ADGRV1: variants seen among roughly 807,000 people sequenced by gnomAD.
The protein encoded by ADGRV1 is adhesion G protein-coupled receptor V1, also known as G-protein coupled receptor 98.
ADGRV1 carries 359 observed loss-of-function variants against 596.2 expected under a neutral mutation model. That is an observed-to-expected ratio of 0.60 (90% CI 0.55 to 0.66). The LOEUF is 0.66. Ranked by LOEUF, ADGRV1 falls within the 30% of genes least tolerant of loss-of-function variation. ADGRV1 has a pLI of 0.00. For missense variants in ADGRV1, 7,274 were observed against 7,575.6 expected (o/e 0.96, Z 1.48); for synonymous variants, 2,681 against 2,679.2 (o/e 1.00, Z -0.02).
intron 1 of ADGRV1, among the ~76,000 whole-genome samples, chr5:90,611,675 A>G (rs1453041821): frequency 2.6e-5 from 4 of 151,974 alleles, no homozygotes; most frequent in African/African-American, 7.2e-5. Context: ...GAGAAGTTTA[A>G]AAATAAGTGG....
chr5:90,727,447 C>T (rs1212627376), intron 48 of ADGRV1, among the ~76,000 whole-genome samples: 1 of 152,114 alleles, frequency 6.6e-6, no homozygotes, highest in East Asian at 1.9e-4. Context: ...ATTATAGTGT[C>T]CTCCTAGCTG....
At chr5:91,065,509 C>T (rs2151373629) in intron 85 of ADGRV1, among the ~76,000 whole-genome samples, 1 of 152,300 alleles carries the variant, frequency 6.6e-6, no homozygotes, top group Middle Eastern at 3.4e-3. Flanking sequence ...GGACTCAAAT[C>T]ACAATCTCAT....
chr5:90,605,536 ATTG>A (rs1554058367), intron 1 of ADGRV1, among the ~76,000 whole-genome samples: 1 of 152,060 alleles, frequency 6.6e-6, no homozygotes, highest in Non-Finnish European at 1.5e-5. Flanking sequence ...GTACTGCATT[ATTG>A]TTCATGGAAA....
intron 83 of ADGRV1, among the ~76,000 whole-genome samples, chr5:90,918,281 G>A (rs1397733579): frequency 1.3e-5 from 2 of 152,136 alleles, no homozygotes; most frequent in African/African-American, 4.8e-5. Context: ...CAGGAAGCCT[G>A]CAATGGTTTT....
intron 61 of ADGRV1, 79 bp downstream of exon 61, chr5:90,776,655 T>C: frequency 7.1e-7 from 1 of 1,401,260 alleles, no homozygotes; most frequent in Non-Finnish European, 1.0e-6. Flanking sequence ...AGTTTATCAT[T>C]CTCAATACAT....
At chr5:90,619,214 C>A in intron 4 of ADGRV1, 33 bp downstream of exon 4, 2 of 968,528 alleles carry the variant, frequency 2.1e-6, no homozygotes, top group Non-Finnish European at 3.0e-6. Flanking sequence ...ATTGTGGTTG[C>A]TAGATAATAG....
At chr5:90,595,661 A>C (rs1285474728) in intron 1 of ADGRV1, among the ~76,000 whole-genome samples, 12 of 61,496 alleles carry the variant, frequency 2.0e-4, no homozygotes, top group South Asian at 1.8e-3. Flanking sequence ...CGGGCGGGGA[A>C]CTGACCCCCC....
At chr5:90,901,590 G>A (rs990549548) in intron 83 of ADGRV1, among the ~76,000 whole-genome samples, 2 of 152,076 alleles carry the variant, frequency 1.3e-5, no homozygotes, top group African/African-American at 4.8e-5. Context: ...TTCTATCTCA[G>A]GTGTTTAGGA....
At chr5:90,622,781 C>T in intron 5 of ADGRV1, 80 bp downstream of exon 5, 2 of 635,964 alleles carry the variant, frequency 3.1e-6, no homozygotes, top group Non-Finnish European at 4.8e-6. Flanking sequence ...TGCTCTGTTG[C>T]CCAAGCTGGA....
chr5:90,875,127 C>T (rs558605126), intron 83 of ADGRV1, among the ~76,000 whole-genome samples: 36 of 152,192 alleles, frequency 2.4e-4, no homozygotes, highest in African/African-American at 8.4e-4. Context: ...CTGCAGTGAG[C>T]TATGATTGTG....
intron 21 of ADGRV1, among the ~76,000 whole-genome samples, chr5:90,663,152 G>T (rs1321388069): frequency 6.7e-6 from 1 of 149,604 alleles, no homozygotes; most frequent in East Asian, 2.0e-4. Context: ...GGGTCAAATG[G>T]TATTTCTAGT....
chr5:91,016,435 G>T (rs1783180438), intron 85 of ADGRV1, among the ~76,000 whole-genome samples: 1 of 151,884 alleles, frequency 6.6e-6, no homozygotes, highest in Admixed American at 6.6e-5. Flanking sequence ...CATTTACCTG[G>T]TCTCTTTTTC....
intron 83 of ADGRV1, among the ~76,000 whole-genome samples, chr5:90,876,607 C>CT (rs1198536274): frequency 6.6e-6 from 1 of 152,108 alleles, no homozygotes; most frequent in African/African-American, 2.4e-5. Flanking sequence ...ACCTTTCACT[C>CT]TAAGATTAGG....
At chr5:91,031,424 G>A in intron 85 of ADGRV1, 2 of 826,964 alleles carry the variant, frequency 2.4e-6, no homozygotes, top group Non-Finnish European at 2.0e-6. Flanking sequence ...TGTTCCCATG[G>A]CCAGCATTAA....
chr5:91,118,414 T>C (rs1347263165), intron 87 of ADGRV1, among the ~76,000 whole-genome samples: 1 of 151,984 alleles, frequency 6.6e-6, no homozygotes, highest in Non-Finnish European at 1.5e-5. Context: ...GTAAATACCA[T>C]AACCACTGCA....
At chr5:90,727,101 T>TG (rs1188809615) in intron 48 of ADGRV1, among the ~76,000 whole-genome samples, 3 of 151,784 alleles carry the variant, frequency 2.0e-5, no homozygotes, top group South Asian at 4.1e-4. Flanking sequence ...TTTTTATTAG[T>TG]GGGGGGGATG....
intron 72 of ADGRV1, 90 bp downstream of exon 72, chr5:90,805,548 C>A: frequency 9.2e-7 from 1 of 1,089,330 alleles, no homozygotes; most frequent in Non-Finnish European, 1.3e-6. Context: ...TTATTCTGGA[C>A]ACTAAATGTA....
intron 87 of ADGRV1, among the ~76,000 whole-genome samples, chr5:91,120,486 A>C (rs951469736): frequency 6.6e-6 from 1 of 152,192 alleles, no homozygotes; most frequent in Non-Finnish European, 1.5e-5. Context: ...AGGAAAAAGA[A>C]ATTTTTCCAG....
intron 87 of ADGRV1, among the ~76,000 whole-genome samples, chr5:91,104,415 C>T (rs1217022583): frequency 6.6e-6 from 1 of 152,166 alleles, no homozygotes; most frequent in African/African-American, 2.4e-5. Flanking sequence ...TCATCTCAAA[C>T]ATTCATCATT....
Sources: allele counts gnomAD v4.1 joint callset (sites outside exome capture counted in the v4.1 genomes callset), GRCh38; gene constraint gnomAD v4.1.1; transcripts MANE v1.5; gene names NCBI Gene and HGNC (gene_info 2026-07-23, HGNC 2026-07-21).